Variants in MTUS2 observed in about 807,000 individuals in gnomAD.
MTUS2 encodes the protein microtubule associated scaffold protein 2.
Under a neutral mutation model 114.1 loss-of-function variants are expected in MTUS2, and 40 were observed. The observed-to-expected ratio is 0.35, with a 90% CI of 0.27 to 0.46. The LOEUF (loss-of-function observed/expected upper bound fraction) is 0.46, where lower values mean the gene tolerates loss of function less well. Among genes scored for constraint, MTUS2 ranks in the 20% least tolerant of loss-of-function variants. MTUS2 has a pLI of 1.00. For missense variants in MTUS2, 1,679 were observed against 1,705.4 expected (o/e 0.98, Z 0.27); for synonymous variants, 688 against 672.0 (o/e 1.02, Z -0.37).
intron 4 of MTUS2, among the ~76,000 whole-genome samples, chr13:29,057,240 A>G (rs1286885670): frequency 6.6e-6 from 1 of 152,076 alleles, no homozygotes; most frequent in Non-Finnish European, 1.5e-5. Flanking sequence ...TTTAGAGTAT[A>G]TGCCATGTGC....
chr13:29,323,527 G>A (rs539666675), intron 6 of MTUS2, among the ~76,000 whole-genome samples: 5 of 152,330 alleles, frequency 3.3e-5, no homozygotes, highest in Non-Finnish European at 5.9e-5. Flanking sequence ...TGGGATGACA[G>A]GCGTGAGCCA....
chr13:28,954,106 T>C (rs1209641267), intron 2 of MTUS2, among the ~76,000 whole-genome samples: 1 of 152,238 alleles, frequency 6.6e-6, no homozygotes, highest in African/African-American at 2.4e-5. Flanking sequence ...ATTTAAAATA[T>C]ATCTACTTTT....
chr13:29,048,704 A>T (rs548622488), intron 4 of MTUS2, among the ~76,000 whole-genome samples: 9 of 152,298 alleles, frequency 5.9e-5, no homozygotes, highest in African/African-American at 2.2e-4. Context: ...CCCTGGGCTC[A>T]AGCAGTCCTC....
intron 5 of MTUS2, among the ~76,000 whole-genome samples, chr13:29,257,484 CG>C (rs1287992505): frequency 6.6e-6 from 1 of 152,082 alleles, no homozygotes; most frequent in Non-Finnish European, 1.5e-5. Context: ...CCAGGTAGAG[CG>C]AATAAAAAAT....
intron 10 of MTUS2, among the ~76,000 whole-genome samples, chr13:29,481,781 A>G (rs946359502): frequency 1.8e-4 from 27 of 152,324 alleles, no homozygotes; most frequent in African/African-American, 6.0e-4. Context: ...CAGGTTAGTC[A>G]TTCTTCTTTC....
chr13:29,220,761 C>A (rs1895875528), intron 5 of MTUS2, among the ~76,000 whole-genome samples: 1 of 152,094 alleles, frequency 6.6e-6, no homozygotes, highest in Non-Finnish European at 1.5e-5. Flanking sequence ...GTGAAAATTA[C>A]CAGAATGTGA....
intron 2 of MTUS2, among the ~76,000 whole-genome samples, chr13:28,878,653 A>G (rs973415236): frequency 2.0e-5 from 3 of 152,218 alleles, no homozygotes; most frequent in Non-Finnish European, 4.4e-5. Context: ...CCTGCAAAAG[A>G]CATGATCTCA....
chr13:29,413,616 C>T (rs1326129987), intron 8 of MTUS2, among the ~76,000 whole-genome samples: 1 of 49,042 alleles, frequency 2.0e-5, no homozygotes, highest in Non-Finnish European at 4.2e-5. Context: ...AAGAAAAAAA[C>T]AAACAACCCC....
intron 4 of MTUS2, among the ~76,000 whole-genome samples, chr13:29,090,633 A>C (rs1889900569): frequency 6.6e-6 from 1 of 152,268 alleles, no homozygotes; most frequent in Non-Finnish European, 1.5e-5. Context: ...AGGGCATTTA[A>C]GGCTGTACTG....
chr13:29,146,450 G>A (rs1892437140), intron 5 of MTUS2, among the ~76,000 whole-genome samples: 1 of 151,768 alleles, frequency 6.6e-6, no homozygotes, highest in Non-Finnish European at 1.5e-5. Flanking sequence ...AAAGATTTCA[G>A]CTCTTTATAC....
chr13:29,500,814 C>G (rs1477948514), intron 14 of MTUS2, among the ~76,000 whole-genome samples: 3 of 151,726 alleles, frequency 2.0e-5, no homozygotes, highest in African/African-American at 4.8e-5. Context: ...CACACACACA[C>G]ACACACACAC....
At chr13:29,447,086 T>C (rs1878337319) in intron 9 of MTUS2, among the ~76,000 whole-genome samples, 1 of 152,030 alleles carries the variant, frequency 6.6e-6, no homozygotes, top group Non-Finnish European at 1.5e-5. Flanking sequence ...TTAGGGATGC[T>C]CAACTAGTAA....
At chr13:28,881,387 A>G (rs925439336) in intron 2 of MTUS2, among the ~76,000 whole-genome samples, 11 of 152,114 alleles carry the variant, frequency 7.2e-5, no homozygotes, top group African/African-American at 2.7e-4. Flanking sequence ...ATTGATGGAC[A>G]CTTAGGTTGA....
At chr13:29,353,520 C>CT (rs1278330325) in intron 7 of MTUS2, among the ~76,000 whole-genome samples, 2 of 152,268 alleles carry the variant, frequency 1.3e-5, no homozygotes, top group South Asian at 2.1e-4. Context: ...AGATTGGTCT[C>CT]TAACTCCTGG....
intron 2 of MTUS2, among the ~76,000 whole-genome samples, chr13:29,009,258 A>G (rs1407279631): frequency 2.6e-5 from 4 of 152,124 alleles, no homozygotes; most frequent in African/African-American, 4.8e-5. Flanking sequence ...TCTATGGCAC[A>G]GCCATATAAT....
intron 6 of MTUS2, among the ~76,000 whole-genome samples, chr13:29,304,414 C>T (rs1899345928): frequency 1.3e-5 from 2 of 151,874 alleles, no homozygotes; most frequent in Admixed American, 6.5e-5. Context: ...GAAAGACACA[C>T]ATAGGCTCAA....
At chr13:29,327,304 C>T (rs183805167) in intron 7 of MTUS2, among the ~76,000 whole-genome samples, 5 of 152,072 alleles carry the variant, frequency 3.3e-5, no homozygotes, top group Non-Finnish European at 4.4e-5. Flanking sequence ...GCCATGTGTA[C>T]GCAGCTGTGA....
At chr13:29,191,308 A>AT (rs968628661) in intron 5 of MTUS2, among the ~76,000 whole-genome samples, 3 of 151,946 alleles carry the variant, frequency 2.0e-5, no homozygotes, top group African/African-American at 7.3e-5. Context: ...CTGAGATACC[A>AT]TTTTTTTATA....
intron 9 of MTUS2, among the ~76,000 whole-genome samples, chr13:29,478,974 C>G (rs1880939191): frequency 1.3e-5 from 2 of 152,224 alleles, no homozygotes; most frequent in Admixed American, 6.5e-5. Flanking sequence ...GCTAATTAAA[C>G]TTTTCAGAGC....
Sources: gnomAD v4.1 joint callset for allele counts (sites outside exome capture counted in the v4.1 genomes callset) on GRCh38, gnomAD v4.1.1 for gene constraint, MANE v1.5 for transcripts, NCBI Gene and HGNC (gene_info 2026-07-23, HGNC 2026-07-21) for gene names.